The following MYRIP variants were observed in gnomAD, a reference collection of about 807,000 sequenced individuals.
The protein encoded by MYRIP is myosin VIIA and Rab interacting protein, also known as rab effector MyRIP.
In MYRIP, 49 loss-of-function variants were observed where a neutral mutation model predicts 98.0. The observed-to-expected ratio is 0.50, with a 90% CI of 0.40 to 0.63. The LOEUF is 0.63. MYRIP is among the 30% of genes least tolerant of loss of function. The pLI is 0.00. For missense variants in MYRIP, 1,004 were observed against 1,058.2 expected (o/e 0.95, Z 0.71); for synonymous variants, 404 against 409.5 (o/e 0.99, Z 0.16).
At chr3:39,878,615 C>T (rs1575335484) in intron 1 of MYRIP, among the ~76,000 whole-genome samples, 2 of 151,914 alleles carry the variant, frequency 1.3e-5, no homozygotes, top group African/African-American at 2.4e-5. Flanking sequence ...TAGACATGTA[C>T]ATATATATCT....
intron 3 of MYRIP, among the ~76,000 whole-genome samples, chr3:40,054,325 C>T (rs1947844085): frequency 6.6e-6 from 1 of 152,016 alleles, no homozygotes; most frequent in Non-Finnish European, 1.5e-5. Context: ...TCTGTAATGT[C>T]CACAATATCT....
At chr3:40,140,451 T>A (rs1949867186) in intron 3 of MYRIP, among the ~76,000 whole-genome samples, 1 of 152,212 alleles carries the variant, frequency 6.6e-6, no homozygotes. Context: ...TTCGGTATAA[T>A]GATTTCCTTT....
chr3:40,210,147 G>C (rs979485242), intron 11 of MYRIP, 54 bp downstream of exon 11: 1 of 1,578,532 alleles, frequency 6.3e-7, no homozygotes, highest in East Asian at 2.2e-5. Flanking sequence ...GTGGGGTGTT[G>C]GAGAAAGATC....
At chr3:40,014,778 G>A (rs536867794) in intron 2 of MYRIP, among the ~76,000 whole-genome samples, 1 of 152,324 alleles carries the variant, frequency 6.6e-6, no homozygotes, top group Non-Finnish European at 1.5e-5. Flanking sequence ...TTGGATCCAT[G>A]TACATGTTTT....
intron 11 of MYRIP, among the ~76,000 whole-genome samples, chr3:40,231,100 C>T (rs1287873509): frequency 6.6e-6 from 1 of 152,236 alleles, no homozygotes; most frequent in Non-Finnish European, 1.5e-5. Flanking sequence ...GCTGGGATTA[C>T]AGGCATGAGC....
intron 10 of MYRIP, among the ~76,000 whole-genome samples, chr3:40,207,250 A>G (rs1951812390): frequency 6.6e-6 from 1 of 152,290 alleles, no homozygotes; most frequent in Middle Eastern, 3.4e-3. Flanking sequence ...CCTGGGTCCT[A>G]TTGGTCTTGC....
chr3:39,856,171 T>C (rs1942287927), intron 1 of MYRIP, among the ~76,000 whole-genome samples: 1 of 152,204 alleles, frequency 6.6e-6, no homozygotes, highest in Non-Finnish European at 1.5e-5. Context: ...ACTCACAGTT[T>C]TTGGCCTGTT....
intron 1 of MYRIP, among the ~76,000 whole-genome samples, chr3:39,833,154 A>C (rs1941503914): frequency 6.6e-6 from 1 of 152,226 alleles, no homozygotes; most frequent in African/African-American, 2.4e-5. Context: ...GGATGATAAC[A>C]ACAACAGGAA....
At chr3:39,953,624 AGACGG>A (rs1300652968) in intron 2 of MYRIP, among the ~76,000 whole-genome samples, 2 of 152,180 alleles carry the variant, frequency 1.3e-5, no homozygotes, top group Non-Finnish European at 2.9e-5. Flanking sequence ...GCGACACAGA[AGACGG>A]GTGATTTCTG....
intron 3 of MYRIP, among the ~76,000 whole-genome samples, chr3:40,051,135 A>C (rs1338287877): frequency 6.6e-6 from 1 of 152,204 alleles, no homozygotes; most frequent in Non-Finnish European, 1.5e-5. Context: ...ACTTTGAAAA[A>C]TGTTTACTGT....
intron 1 of MYRIP, among the ~76,000 whole-genome samples, chr3:39,887,565 A>G (rs1379012390): frequency 1.3e-5 from 2 of 152,200 alleles, no homozygotes; most frequent in Non-Finnish European, 2.9e-5. Flanking sequence ...ACCCACAGCC[A>G]ATATCATACT....
chr3:40,023,871 T>G (rs546791160), intron 2 of MYRIP, among the ~76,000 whole-genome samples: 1 of 152,316 alleles, frequency 6.6e-6, no homozygotes, highest in African/African-American at 2.4e-5. Flanking sequence ...AATGATAATA[T>G]GTAGTGTGTG....
chr3:40,088,308 C>T (rs1948670876), intron 3 of MYRIP, among the ~76,000 whole-genome samples: 2 of 152,144 alleles, frequency 1.3e-5, no homozygotes, highest in Admixed American at 6.5e-5. Context: ...TTATTTTAGT[C>T]AGAACTGGCT....
rs558581000 is a variant in MYRIP, at chr3:39,985,460, T to G, written c.111-58590T>G. On this transcript the variant is annotated intron_variant, in intron 2 of 16. Coordinates refer to ENST00000302541, the MANE Select transcript of MYRIP (RefSeq NM_015460.4). ...TTCACAGAATTGGAAAAAACTACTT[T>G]AAAGTTCATATGGAACCAAAAAAGA... Among the ~76,000 whole-genome samples, 8 of 120,512 alleles carry G rather than the reference T, an allele frequency of 6.6e-5. No homozygotes were observed. The South Asian group carries it at 1.9e-3, about 29-fold the overall frequency. The allele number at this position is 120,512 out of a possible 152,430, so 79.1% of individuals were successfully genotyped here. A position where few individuals can be genotyped will look rare whatever the true frequency, so the allele number is the denominator to read the frequency against.
At position 40,097,951 on chromosome 3, in the gene MYRIP, G is replaced by A. The variant is rs531912456; in HGVS notation, c.333-53097G>A. Reference sequence around the variant, plus strand: ...GCTGGAAGAGTGTTAGAGAGAGCTGGTGTTCCTCATCTGCTCTTCTCTGTC... The same window carrying A: ...GCTGGAAGAGTGTTAGAGAGAGCTGATGTTCCTCATCTGCTCTTCTCTGTC... On this transcript the variant is annotated intron_variant, in intron 3 of 16. Coordinates refer to ENST00000302541, the MANE Select transcript of MYRIP (RefSeq NM_015460.4). Among the ~76,000 whole-genome samples the A allele has an allele frequency of 1.9e-3, 289 of 152,314 alleles. 2 individuals are homozygous for A. The highest frequency in any genetic ancestry group is 6.7e-3 in the African/African-American group (280 of 41,566).
chr3:40,007,627 A>G (rs1231793420), intron 2 of MYRIP, among the ~76,000 whole-genome samples: 1 of 152,244 alleles, frequency 6.6e-6, no homozygotes. Flanking sequence ...GGCCCAGAGC[A>G]GACTACAGTG....
intron 2 of MYRIP, among the ~76,000 whole-genome samples, chr3:40,019,725 C>CA (rs1946949401): frequency 6.7e-6 from 1 of 150,158 alleles, no homozygotes; most frequent in African/African-American, 2.5e-5. Context: ...CCCCCCCCCG[C>CA]TTTTTTTTGT....
At chr3:40,172,856 C>G (rs976785747) in intron 8 of MYRIP, among the ~76,000 whole-genome samples, 3 of 152,208 alleles carry the variant, frequency 2.0e-5, no homozygotes, top group Non-Finnish European at 4.4e-5. Flanking sequence ...CATCCACTCA[C>G]TGCATCTTGG....
chr3:40,257,622 G>A (rs891513937), intron 16 of MYRIP, among the ~76,000 whole-genome samples: 5 of 151,976 alleles, frequency 3.3e-5, no homozygotes, highest in East Asian at 1.9e-4. Context: ...TAAAAAACTC[G>A]GTGAAATTTT....
Sources: allele counts gnomAD v4.1 joint callset (sites outside exome capture counted in the v4.1 genomes callset), GRCh38; gene constraint gnomAD v4.1.1; transcripts MANE v1.5; gene names NCBI Gene and HGNC (gene_info 2026-07-23, HGNC 2026-07-21).